The following TNFRSF10D variants were observed in gnomAD, a reference collection of about 807,000 sequenced individuals.
TNFRSF10D encodes tumor necrosis factor receptor superfamily member 10D.
In TNFRSF10D, 28 loss-of-function variants were observed where a neutral mutation model predicts 42.1. That is an observed-to-expected ratio of 0.66 (90% confidence interval 0.49 to 0.91). The LOEUF is 0.91. TNFRSF10D is among the 40% of genes least tolerant of loss of function. The pLI is 0.00. For missense variants in TNFRSF10D, 503 were observed against 486.1 expected, an observed-to-expected ratio of 1.03 and a Z score of -0.33; for synonymous variants, 186 against 189.4, an observed-to-expected ratio of 0.98 and a Z score of 0.15.
intron 2 of TNFRSF10D, among the ~76,000 whole-genome samples, chr8:23,154,538 T>G (rs1800248632): frequency 6.6e-6 from 1 of 152,244 alleles, no homozygotes; most frequent in South Asian, 2.1e-4. Context: ...TCTACTTTTA[T>G]TGACATGTTA....
At position 23,145,663 on chromosome 8, in the gene TNFRSF10D, C is replaced by A; in HGVS notation, c.736+5G>T. 2 of 1,613,930 alleles carry A rather than the reference C, an allele frequency of 1.2e-6. No homozygotes were observed. Among genetic ancestry groups the A allele is most frequent in the Non-Finnish European group, 1.7e-6 (2 of 1,180,030 alleles). On this transcript the variant is annotated splice_donor_5th_base_variant and intron_variant, in intron 5 of 8. Transcript: ENST00000312584. ...CCAGCGCTCCCACCCTCAGCCAGCA[C>A]CTACCTGAGCAGATGCCTTTGAGGT... is the stretch of plus-strand genomic sequence containing the variant.
At chr8:23,147,122 T>C in intron 3 of TNFRSF10D, 50 bp from the exon 4 acceptor site, 1 of 1,489,770 alleles carries the variant, frequency 6.7e-7, no homozygotes, top group Non-Finnish European at 9.4e-7. Context: ...GACATGTCTG[T>C]CCACCCTTCC....
chr8:23,141,658 G>A (rs1351000675), intron 7 of TNFRSF10D, among the ~76,000 whole-genome samples: 1 of 151,896 alleles, frequency 6.6e-6, no homozygotes, highest in African/African-American at 2.4e-5. Context: ...ATGGGCAAAA[G>A]ACATGAACAC....
chr8:23,140,091 C>G (rs1462188905), intron 7 of TNFRSF10D, among the ~76,000 whole-genome samples: 3 of 152,112 alleles, frequency 2.0e-5, no homozygotes, highest in African/African-American at 7.2e-5. Context: ...AGATCGAGAC[C>G]ATCCTGGCTA....
chr8:23,135,780 T>TG lies in TNFRSF10D; in HGVS notation c.*2089dup, dbSNP rs1326983029. 1 of 420,210 alleles carries TG rather than the reference T, an allele frequency of 2.4e-6. No individual in the cohort carries two copies. The highest frequency in any genetic ancestry group is 7.1e-5 in the East Asian group (1 of 14,034). 26.0% of individuals were successfully genotyped at this position (420,210 alleles called of 1,614,324 possible). On this transcript the variant is annotated 3_prime_UTR_variant, in exon 9 of 9. Coordinates refer to ENST00000312584, the MANE Select transcript of TNFRSF10D (RefSeq NM_003840.5). ...GAATAAGCTTAAACACTGATAAGGC[T>TG]GGTAGTCTAGATGCATCTTCAAGGA...
chr8:23,152,137 T>TCA (rs1275923923), intron 2 of TNFRSF10D, among the ~76,000 whole-genome samples: 853 of 152,006 alleles, frequency 5.6e-3, no homozygotes, highest in African/African-American at 0.018. Context: ...AGAGCCAAGA[T>TCA]GGAGAAGGAT....
chr8:23,136,297 GT>G lies in TNFRSF10D; in HGVS notation c.*1572del. 1 of 230,940 alleles carries G rather than the reference GT, an allele frequency of 4.3e-6. No homozygotes were observed. The highest frequency in any genetic ancestry group is 5.2e-5 in the Admixed American group (1 of 19,148). The allele number at this position is 230,940 out of a possible 1,614,324, so 14.3% of individuals were successfully genotyped here. A position where few individuals can be genotyped will look rare whatever the true frequency, so the allele number is the denominator to read the frequency against. The stretch of plus-strand genomic sequence containing the variant: ...CCATTTTAGATCCTGTTGTCACAGT[GT>G]TTAAGAATTGATATCTCTGAGATGA... On this transcript the variant is annotated 3_prime_UTR_variant, in exon 9 of 9. Coordinates refer to ENST00000312584, the MANE Select transcript of TNFRSF10D (RefSeq NM_003840.5).
chr8:23,153,723 A>G lies in TNFRSF10D; in HGVS notation c.256+1151T>C, dbSNP rs1400487568. ...ATTACCAAAAAGACAAAAGATAACA[A>G]GTGTTGATGATGATGGGGAGAAAAA... On this transcript the variant is annotated intron_variant, in intron 2 of 8. Transcript: ENST00000312584. Among the ~76,000 whole-genome samples the G allele has an allele frequency of 1.3e-5, 2 of 152,192 alleles. 1 individual carries two copies. Among genetic ancestry groups the G allele is most frequent in the Admixed American group, 1.3e-4 (2 of 15,274 alleles).
intron 2 of TNFRSF10D, 126 bp downstream of exon 2, chr8:23,154,748 G>T: frequency 9.5e-7 from 1 of 1,055,990 alleles, no homozygotes; most frequent in Non-Finnish European, 1.4e-6. Context: ...ATAAGTATGT[G>T]AATTAGCTTG....
At chr8:23,138,166 T>A in intron 8 of TNFRSF10D, 22 bp downstream of exon 8, 1 of 1,614,180 alleles carries the variant, frequency 6.2e-7, no homozygotes, top group Non-Finnish European at 8.5e-7. Context: ...TCCTGCTGCG[T>A]CTCAAGGCAC....
intron 1 of TNFRSF10D, among the ~76,000 whole-genome samples, chr8:23,159,599 C>T (rs758846307): frequency 2.0e-5 from 3 of 152,016 alleles, no homozygotes; most frequent in African/African-American, 7.3e-5. Flanking sequence ...CATGGTGGCA[C>T]ACACCTGTAA....
chr8:23,156,316 T>C (rs1007330357), intron 1 of TNFRSF10D, among the ~76,000 whole-genome samples: 1 of 151,684 alleles, frequency 6.6e-6, no homozygotes, highest in South Asian at 2.1e-4. Flanking sequence ...AAAAACAAAA[T>C]GGTTACAATA....
intron 1 of TNFRSF10D, 48 bp downstream of exon 1, chr8:23,163,738 G>A: frequency 1.9e-6 from 3 of 1,588,948 alleles, no homozygotes; most frequent in Non-Finnish European, 2.6e-6. Context: ...GCCCACTCCC[G>A]GCGCCAGGTG....
At chr8:23,154,725 C>A in intron 2 of TNFRSF10D, 149 bp downstream of exon 2, 2 of 932,824 alleles carry the variant, frequency 2.1e-6, no homozygotes, top group South Asian at 3.2e-5. Flanking sequence ...AGTGTTCTTA[C>A]AACAAATACA....
At chr8:23,153,912 T>A (rs1332730034) in intron 2 of TNFRSF10D, among the ~76,000 whole-genome samples, 3 of 152,232 alleles carry the variant, frequency 2.0e-5, no homozygotes, top group African/African-American at 7.2e-5. Context: ...TAAAGAGGTA[T>A]CTTCCCTCCC....
intron 2 of TNFRSF10D, among the ~76,000 whole-genome samples, chr8:23,153,971 A>T (rs1800241051): frequency 6.6e-6 from 1 of 152,236 alleles, no homozygotes; most frequent in Non-Finnish European, 1.5e-5. Context: ...AATCAACCTA[A>T]GTGTCCATCG....
In TNFRSF10D at chr8:23,148,472, C is replaced by G; in HGVS notation, c.336G>C (p.Leu112Phe). The G allele has an allele frequency of 6.2e-7, 1 of 1,610,312 alleles. No homozygotes were observed. The highest frequency in any genetic ancestry group is 1.7e-5 in the Admixed American group (1 of 59,894). ...AAACTGTACATAGCAGGCAAGAAGG[C>G]AAATTGTTGGAAGCAATGGTGTAAT... ...GVDYTIASNNLPSCLLCTVCK... is the reference protein window; with the variant it reads ...GVDYTIASNNFPSCLLCTVCK... Residue 112 changes from leucine (L) to phenylalanine (F), a missense_variant, in exon 3 of 9, where the codon TTG becomes TTC. Coordinates refer to ENST00000312584, the MANE Select transcript of TNFRSF10D (RefSeq NM_003840.5).
chr8:23,139,690 G>T (rs1450787408), intron 7 of TNFRSF10D, among the ~76,000 whole-genome samples: 1 of 152,090 alleles, frequency 6.6e-6, no homozygotes, highest in East Asian at 1.9e-4. Flanking sequence ...GAGCACTCAG[G>T]CAAGAGAAAG....
At position 23,163,950 on chromosome 8, in the gene TNFRSF10D, G is replaced by T. The variant is rs184828106; in HGVS notation, c.-15C>A. ...CAAAGTCCCATGAGAAGGGAGGAGG[G>T]TGGATCGAAAGCGCCAAAAATCAAT... On this transcript the variant is annotated 5_prime_UTR_variant, in exon 1 of 9. Coordinates refer to ENST00000312584, the MANE Select transcript of TNFRSF10D (RefSeq NM_003840.5). 4.7e-4 allele frequency: 728 copies of T among 1,540,470 alleles called. No homozygotes were observed. The African/African-American group carries it at 8.7e-3, about 18-fold the overall frequency.
Sources: gnomAD v4.1 joint callset for allele counts (sites outside exome capture counted in the v4.1 genomes callset) on GRCh38, gnomAD v4.1.1 for gene constraint, MANE v1.5 for transcripts, NCBI Gene and HGNC (gene_info 2026-07-23, HGNC 2026-07-21) for gene names.